The following NWD1 variants were observed in gnomAD, a reference collection of about 807,000 sequenced individuals.
NWD1 encodes the protein NACHT domain- and WD repeat-containing protein 1.
NWD1 carries 129 observed loss-of-function variants against 135.1 expected under a neutral mutation model. The ratio of observed to expected loss-of-function variants is 0.96; its 90% CI spans 0.83 to 1.11. NWD1 has a LOEUF of 1.11. NWD1 is among the 50% of genes least tolerant of loss of function. The pLI, the probability that NWD1 is intolerant of heterozygous loss-of-function variation, is 0.00. For missense variants in NWD1, 1,740 were observed against 1,851.3 expected, an observed-to-expected ratio of 0.94 and a Z score of 1.10; for synonymous variants, 773 against 786.0, an observed-to-expected ratio of 0.98 and a Z score of 0.28.
intron 12 of NWD1, among the ~76,000 whole-genome samples, chr19:16,784,173 C>G (rs1246948254): frequency 6.6e-6 from 1 of 151,658 alleles, no homozygotes; most frequent in Non-Finnish European, 1.5e-5. Context: ...CCACTGCACT[C>G]CAGCCTTGGT....
intron 3 of NWD1, among the ~76,000 whole-genome samples, chr19:16,732,568 C>A (rs12975018): frequency 1.0e-3 from 144 of 142,102 alleles, no homozygotes; most frequent in Non-Finnish European, 1.9e-3. Flanking sequence ...GCCCCTAATG[C>A]TGTCTCCTTG....
Position 16,759,697 on chromosome 19 carries a change from C to T in NWD1, c.1973+269C>T, listed in dbSNP as rs750746935. Among the ~76,000 whole-genome samples the T allele has an allele frequency of 3.4e-4, 52 of 152,102 alleles. 1 individual carries two copies. The highest frequency in any genetic ancestry group is 6.2e-4 in the South Asian group (3 of 4,816). On this transcript the variant is annotated intron_variant, in intron 7 of 18. Coordinates refer to ENST00000524140, the MANE Select transcript of NWD1 (RefSeq NM_001007525.5). ...TTGGAGATCAGCCTGGGCAACGTAG[C>T]GAGGCCCCATCTCTACAAAAAAAAT...
intron 10 of NWD1, among the ~76,000 whole-genome samples, chr19:16,768,993 C>A (rs1037417998): frequency 9.2e-5 from 14 of 151,850 alleles, no homozygotes; most frequent in Admixed American, 3.9e-4. Flanking sequence ...ACTTTGGATT[C>A]ATTCTTACCC....
intron 7 of NWD1, among the ~76,000 whole-genome samples, chr19:16,760,425 A>T (rs947739593): frequency 2.6e-5 from 4 of 151,164 alleles, no homozygotes; most frequent in Non-Finnish European, 4.4e-5. Flanking sequence ...TGCCTGGCTA[A>T]TTTTTAAATT....
intron 3 of NWD1, among the ~76,000 whole-genome samples, chr19:16,735,742 A>G (rs946230175): frequency 6.6e-6 from 1 of 151,646 alleles, no homozygotes; most frequent in Admixed American, 6.6e-5. Flanking sequence ...AGGCATAAGA[A>G]TCGCTTGAAC....
At chr19:16,742,871 AC>A (rs1386432560) in intron 4 of NWD1, among the ~76,000 whole-genome samples, 2 of 140,674 alleles carry the variant, frequency 1.4e-5, no homozygotes, top group Middle Eastern at 3.4e-3. Context: ...ACAGGGTCTC[AC>A]TATGTTGCCT....
chr19:16,768,200 T>C (rs902378837), intron 10 of NWD1, among the ~76,000 whole-genome samples: 5 of 152,068 alleles, frequency 3.3e-5, no homozygotes, highest in Non-Finnish European at 5.9e-5. Context: ...TTTGCTATGT[T>C]AGCCAGGCTG....
At chr19:16,798,741 C>T (rs748515537) in intron 16 of NWD1, among the ~76,000 whole-genome samples, 2 of 152,120 alleles carry the variant, frequency 1.3e-5, no homozygotes. Context: ...ATTCTCCTGC[C>T]TCAGCCTCGC....
At chr19:16,760,848 C>T (rs1968983511) in intron 7 of NWD1, among the ~76,000 whole-genome samples, 1 of 152,176 alleles carries the variant, frequency 6.6e-6, no homozygotes, top group Non-Finnish European at 1.5e-5. Flanking sequence ...CCTTGGCCTC[C>T]CAAAGTGCTG....
intron 12 of NWD1, among the ~76,000 whole-genome samples, chr19:16,780,281 G>T (rs896903636): frequency 4.0e-5 from 6 of 151,358 alleles, no homozygotes; most frequent in African/African-American, 1.5e-4. Context: ...TCAGCCTCCC[G>T]AGTAGCTGGG....
chr19:16,811,251 A>T (rs2144528759), intron 18 of NWD1, among the ~76,000 whole-genome samples: 1 of 152,326 alleles, frequency 6.6e-6, no homozygotes, highest in South Asian at 2.1e-4. Flanking sequence ...CCGTATAACC[A>T]AAGTAATTTA....
Position 16,767,352 on chromosome 19 carries a change from C to T in NWD1, c.2410+2160C>T, listed in dbSNP as rs529419644. On this transcript the variant is annotated intron_variant, in intron 10 of 18. Transcript: ENST00000524140. ...TCGGACGGCCAGGTGTGGTGGCTCA[C>T]GCCTATAATCCCAGCACTTTGGGAG... Among the ~76,000 whole-genome samples the T allele has an allele frequency of 6.6e-5, 10 of 151,860 alleles. No individual in the cohort carries two copies. In the South Asian group the frequency reaches 1.0e-3, roughly 16 times the overall value.
At position 16,750,316 on chromosome 19, in the gene NWD1, C is replaced by T. The variant is rs540385375; in HGVS notation, c.1674C>T (p.Thr558=). 51 of 1,613,498 alleles carry T rather than the reference C, an allele frequency of 3.2e-5. No individual in the cohort carries two copies. Among genetic ancestry groups the T allele is most frequent in the Admixed American group, 5.0e-5 (3 of 59,972 alleles). The change falls in exon 6 of 19, where the codon ACC becomes ACT. Residue 558 remains threonine, a synonymous_variant. Transcript: ENST00000524140. ...SFTVPVPLAT[T]AEEATHQLCT... is the part of the protein sequence containing the mutation. ...CCGTGCCTGTCCCGCTGGCCACCAC[C>T]GCAGAGGAAGCCACGCACCAACTCT... is the stretch of plus-strand genomic sequence containing the variant.
chr19:16,747,538 G>A (rs190727653), intron 5 of NWD1, among the ~76,000 whole-genome samples: 3 of 150,688 alleles, frequency 2.0e-5, no homozygotes, highest in African/African-American at 7.3e-5. Flanking sequence ...CATCACAGGT[G>A]GCTAACTTAT....
At chr19:16,729,289 A>G (rs1284062448) in intron 2 of NWD1, among the ~76,000 whole-genome samples, 2 of 151,834 alleles carry the variant, frequency 1.3e-5, no homozygotes, top group East Asian at 3.9e-4. Context: ...CCCCAACCTT[A>G]TCTCATGTGG....
Position 16,762,155 on chromosome 19 carries a change from C to T in NWD1, c.2133+17C>T. ...GACCGAAAGGTGAGGTACCTGGGAC[C>T]CCCATTCCCCACCTGCAACCTCCAC... On this transcript the variant is annotated intron_variant, in intron 8 of 18. Transcript: ENST00000524140. The T allele has an allele frequency of 1.2e-6, 2 of 1,606,504 alleles. No individual in the cohort carries two copies. Among genetic ancestry groups the T allele is most frequent in the Non-Finnish European group, 1.7e-6 (2 of 1,174,154 alleles).
chr19:16,735,718 T>G (rs891865126), intron 3 of NWD1, among the ~76,000 whole-genome samples: 3 of 151,408 alleles, frequency 2.0e-5, no homozygotes, highest in Admixed American at 1.3e-4. Flanking sequence ...TAGTTCCAGC[T>G]ACTCAGGAGA....
chr19:16,775,306 A>C (rs1367907921), intron 11 of NWD1, among the ~76,000 whole-genome samples: 1 of 150,710 alleles, frequency 6.6e-6, no homozygotes, highest in Non-Finnish European at 1.5e-5. Flanking sequence ...GTTGTAAAAA[A>C]AAATGGCCAA....
intron 9 of NWD1, 90 bp downstream of exon 9, chr19:16,764,035 A>G (rs1270027318): frequency 5.0e-6 from 4 of 800,712 alleles, no homozygotes; most frequent in Admixed American, 2.1e-5. Context: ...AAGGGCAAAC[A>G]TGGAAATCCT....
Sources: allele counts gnomAD v4.1 joint callset (sites outside exome capture counted in the v4.1 genomes callset), GRCh38; gene constraint gnomAD v4.1.1; transcripts MANE v1.5; gene names NCBI Gene and HGNC (gene_info 2026-07-23, HGNC 2026-07-21).